Variants in PDZRN4 observed in about 807,000 individuals in gnomAD.
PDZRN4 encodes the protein PDZ domain-containing RING finger protein 4.
A neutral mutation model predicts 99.0 loss-of-function variants in PDZRN4; 70 were observed. The observed-to-expected ratio is 0.71, with a 90% CI of 0.58 to 0.86. The LOEUF (loss-of-function observed/expected upper bound fraction) is 0.86. PDZRN4 is among the 40% of genes least tolerant of loss of function. The pLI, the probability that PDZRN4 is intolerant of heterozygous loss-of-function variation, is 0.00. For synonymous variants in PDZRN4, 551 were observed against 501.6 expected, an observed-to-expected ratio of 1.10 and a Z score of -1.32; for missense variants, 1,474 against 1,331.2, an observed-to-expected ratio of 1.11 and a Z score of -1.67.
chr12:41,266,670 G>C (rs555368944), intron 3 of PDZRN4, among the ~76,000 whole-genome samples: 1 of 152,296 alleles, frequency 6.6e-6, no homozygotes, highest in South Asian at 2.1e-4. Flanking sequence ...TAACATTTTA[G>C]CTTTTTAGTC....
chr12:41,389,807 G>A (rs1310595482), intron 3 of PDZRN4, among the ~76,000 whole-genome samples: 4 of 152,186 alleles, frequency 2.6e-5, no homozygotes, highest in Non-Finnish European at 5.9e-5. Flanking sequence ...TCAAATGGAA[G>A]TTGGACTCAC....
intron 6 of PDZRN4, among the ~76,000 whole-genome samples, chr12:41,555,092 G>A (rs1343322582): frequency 6.8e-6 from 1 of 147,526 alleles, no homozygotes; most frequent in Non-Finnish European, 1.5e-5. Flanking sequence ...TTAGCCAGGC[G>A]TGGTGGCAGG....
In PDZRN4 at chr12:41,513,158, T is replaced by C. The variant is rs536807342; in HGVS notation, c.1203+3245T>C. On this transcript the variant is annotated intron_variant, in intron 5 of 9. Transcript: ENST00000402685. ...GATCTGACTATCTTGTAAATACATATTTAGGGACTTTTAACACACATATTA... is the reference window on the plus strand; with the variant it reads ...GATCTGACTATCTTGTAAATACATACTTAGGGACTTTTAACACACATATTA... Among the ~76,000 whole-genome samples, 15 of 152,154 alleles carry C rather than the reference T, an allele frequency of 9.9e-5. No homozygotes were observed. The East Asian group carries it at 2.9e-3, about 30-fold the overall frequency.
At chr12:41,553,089 A>C (rs978138895) in intron 6 of PDZRN4, among the ~76,000 whole-genome samples, 1 of 152,230 alleles carries the variant, frequency 6.6e-6, no homozygotes, top group Non-Finnish European at 1.5e-5. Flanking sequence ...CTTCCATTCT[A>C]CTGTGTCTTT....
intron 3 of PDZRN4, among the ~76,000 whole-genome samples, chr12:41,269,314 C>T (rs1951298784): frequency 6.6e-6 from 1 of 152,124 alleles, no homozygotes; most frequent in Non-Finnish European, 1.5e-5. Flanking sequence ...AACAAATTCT[C>T]CCTAGAGAAA....
At chr12:41,509,206 T>C (rs1938262071) in intron 4 of PDZRN4, among the ~76,000 whole-genome samples, 1 of 152,124 alleles carries the variant, frequency 6.6e-6, no homozygotes, top group Non-Finnish European at 1.5e-5. Context: ...TTCCACTGAT[T>C]GATCGCCATG....
intron 3 of PDZRN4, among the ~76,000 whole-genome samples, chr12:41,268,760 A>G (rs1951295802): frequency 6.6e-6 from 1 of 152,206 alleles, no homozygotes; most frequent in South Asian, 2.1e-4. Flanking sequence ...CAATGTTAAT[A>G]TTATTCTAAT....
At chr12:41,487,381 A>G (rs1188353838) in intron 3 of PDZRN4, among the ~76,000 whole-genome samples, 1 of 152,196 alleles carries the variant, frequency 6.6e-6, no homozygotes, top group Non-Finnish European at 1.5e-5. Context: ...CAGGAGCATA[A>G]CATTGCACAC....
intron 3 of PDZRN4, among the ~76,000 whole-genome samples, chr12:41,222,597 C>T (rs1187163376): frequency 6.6e-6 from 1 of 152,164 alleles, no homozygotes; most frequent in Non-Finnish European, 1.5e-5. Context: ...CAGCTCACTG[C>T]AACCTCCACC....
chr12:41,407,152 T>A (rs1458107355), intron 3 of PDZRN4, among the ~76,000 whole-genome samples: 1 of 152,174 alleles, frequency 6.6e-6, no homozygotes, highest in Non-Finnish European at 1.5e-5. Flanking sequence ...TTATTAATAG[T>A]ACAAGGTTCA....
intron 3 of PDZRN4, among the ~76,000 whole-genome samples, chr12:41,337,497 A>C (rs1362504544): frequency 6.6e-6 from 1 of 152,096 alleles, no homozygotes; most frequent in Non-Finnish European, 1.5e-5. Flanking sequence ...CTTGCCCTGA[A>C]CATTGCTCTC....
At chr12:41,466,245 G>T (rs1192064178) in intron 3 of PDZRN4, among the ~76,000 whole-genome samples, 1 of 152,068 alleles carries the variant, frequency 6.6e-6, no homozygotes, top group East Asian at 1.9e-4. Context: ...TACTTTAAGG[G>T]CTATCACTCA....
intron 3 of PDZRN4, among the ~76,000 whole-genome samples, chr12:41,296,485 G>T (rs971668279): frequency 2.0e-5 from 3 of 152,148 alleles, no homozygotes; most frequent in African/African-American, 7.2e-5. Flanking sequence ...AAGTTTAACA[G>T]AAAAATTCCC....
At position 41,257,999 on chromosome 12, in the gene PDZRN4, T is replaced by A. The variant is rs575018978; in HGVS notation, c.843+63811T>A. 3.3e-4 allele frequency among the ~76,000 whole-genome samples: 51 copies of A among 152,336 alleles called. 1 individual carries two copies. The highest frequency in any genetic ancestry group is 9.6e-4 in the African/African-American group (40 of 41,592). The stretch of plus-strand genomic sequence containing the variant: ...AGAGTAAGTAATATTATTATCCTTT[T>A]TATAAGTGAAGAAACAGTACCAGAA... On this transcript the variant is annotated intron_variant, in intron 3 of 9. Transcript: ENST00000402685.
intron 3 of PDZRN4, among the ~76,000 whole-genome samples, chr12:41,359,934 G>C (rs1328521520): frequency 6.6e-6 from 1 of 152,004 alleles, no homozygotes; most frequent in African/African-American, 2.4e-5. Context: ...AGTGGATCTT[G>C]CTATTCATAG....
intron 3 of PDZRN4, among the ~76,000 whole-genome samples, chr12:41,220,101 C>G (rs1045222756): frequency 6.6e-6 from 1 of 152,112 alleles, no homozygotes; most frequent in Non-Finnish European, 1.5e-5. Context: ...GCTCTTCCCC[C>G]ACCTGCCTCT....
At chr12:41,492,845 T>C (rs748435166) in intron 3 of PDZRN4, among the ~76,000 whole-genome samples, 1 of 152,172 alleles carries the variant, frequency 6.6e-6, no homozygotes, top group Non-Finnish European at 1.5e-5. Context: ...ATAGACAACA[T>C]CCTCTCTAAA....
intron 3 of PDZRN4, among the ~76,000 whole-genome samples, chr12:41,224,285 T>G (rs1176139895): frequency 6.6e-6 from 1 of 152,228 alleles, no homozygotes; most frequent in Non-Finnish European, 1.5e-5. Context: ...TCAGAGAGAT[T>G]ATGTTACTTG....
At chr12:41,430,614 T>C (rs1011583790) in intron 3 of PDZRN4, among the ~76,000 whole-genome samples, 3 of 152,108 alleles carry the variant, frequency 2.0e-5, no homozygotes, top group African/African-American at 7.2e-5. Flanking sequence ...ACTATTTCTG[T>C]TATATAAAGA....
Sources: allele counts gnomAD v4.1 joint callset (sites outside exome capture counted in the v4.1 genomes callset), GRCh38; gene constraint gnomAD v4.1.1; transcripts MANE v1.5; gene names NCBI Gene and HGNC (gene_info 2026-07-23, HGNC 2026-07-21).